Variants in ARL6IP6 observed in about 807,000 individuals in gnomAD.
ARL6IP6 encodes the protein ADP-ribosylation factor-like protein 6-interacting protein 6.
In ARL6IP6, 22 loss-of-function variants were observed where a neutral mutation model predicts 21.5. The ratio of observed to expected loss-of-function variants is 1.02; its 90% CI spans 0.73 to 1.46. The LOEUF (loss-of-function observed/expected upper bound fraction) is 1.46, where lower values mean the gene tolerates loss of function less well. Ranked by LOEUF, ARL6IP6 falls within the 40% of genes most tolerant of loss-of-function variation. ARL6IP6 has a pLI of 0.00. For synonymous variants in ARL6IP6, 164 were observed against 125.3 expected, an observed-to-expected ratio of 1.31 and a Z score of -2.06; for missense variants, 388 against 299.8, an observed-to-expected ratio of 1.29 and a Z score of -2.17.
chr2:152,742,179 T>C (rs1415477043), intron 3 of ARL6IP6, among the ~76,000 whole-genome samples: 2 of 152,210 alleles, frequency 1.3e-5, no homozygotes, highest in African/African-American at 4.8e-5. Flanking sequence ...ACATTTTGGT[T>C]ATCAGCTTTA....
intron 3 of ARL6IP6, among the ~76,000 whole-genome samples, chr2:152,758,219 G>A (rs1187844810): frequency 1.3e-5 from 2 of 151,882 alleles, no homozygotes; most frequent in Admixed American, 1.3e-4. Flanking sequence ...CTAATACAAT[G>A]TAAATGTTAT....
chr2:152,758,962 A>T (rs1701709441), intron 3 of ARL6IP6, among the ~76,000 whole-genome samples: 1 of 152,136 alleles, frequency 6.6e-6, no homozygotes, highest in African/African-American at 2.4e-5. Flanking sequence ...TCCAGAAAGG[A>T]GAGTATTCTG....
upstream of ARL6IP6, chr2:152,718,483 C>G (rs1699355847): frequency 1.6e-6 from 2 of 1,236,274 alleles, no homozygotes; most frequent in South Asian, 2.0e-5. Flanking sequence ...TGCAACCCGC[C>G]GCCCACCCTT....
intron 1 of ARL6IP6, chr2:152,719,850 A>G: frequency 2.2e-6 from 1 of 461,420 alleles, no homozygotes. Flanking sequence ...ATTAAATATA[A>G]TTAAATCTAT....
intron 3 of ARL6IP6, among the ~76,000 whole-genome samples, chr2:152,738,552 G>A (rs2105139829): frequency 6.6e-6 from 1 of 152,304 alleles, no homozygotes; most frequent in East Asian, 1.9e-4. Context: ...CTTGACTTCT[G>A]TGCACCTGCA....
chr2:152,751,836 T>C (rs1221683341), intron 3 of ARL6IP6, among the ~76,000 whole-genome samples: 1 of 152,186 alleles, frequency 6.6e-6, no homozygotes, highest in East Asian at 1.9e-4. Context: ...GCAGTAAACA[T>C]GGGGTACACA....
intron 3 of ARL6IP6, among the ~76,000 whole-genome samples, chr2:152,736,650 A>T (rs1700564805): frequency 1.3e-5 from 2 of 151,888 alleles, no homozygotes; most frequent in East Asian, 1.9e-4. Context: ...CTTCTAATTC[A>T]CTCTATATAC....
At chr2:152,728,850 A>G (rs988432952) in intron 2 of ARL6IP6, among the ~76,000 whole-genome samples, 1 of 152,050 alleles carries the variant, frequency 6.6e-6, no homozygotes, top group East Asian at 1.9e-4. Flanking sequence ...CATGAGGTCA[A>G]GAGATCAAGA....
At chr2:152,740,682 C>G (rs2105146127) in intron 3 of ARL6IP6, among the ~76,000 whole-genome samples, 1 of 149,130 alleles carries the variant, frequency 6.7e-6, no homozygotes, top group South Asian at 2.1e-4. Context: ...TTATGTAGTC[C>G]TAGCTACTGG....
chr2:152,755,877 C>T (rs1701570891), intron 3 of ARL6IP6, among the ~76,000 whole-genome samples: 3 of 152,198 alleles, frequency 2.0e-5, no homozygotes, highest in African/African-American at 7.2e-5. Context: ...TGGGGCTGGA[C>T]CCTACATGTG....
At chr2:152,727,594 G>A (rs1016140261) in intron 2 of ARL6IP6, among the ~76,000 whole-genome samples, 10 of 152,084 alleles carry the variant, frequency 6.6e-5, no homozygotes, top group Non-Finnish European at 1.2e-4. Context: ...ACCCTATACA[G>A]GTGTACCATA....
chr2:152,748,420 A>C (rs568567294), intron 3 of ARL6IP6, among the ~76,000 whole-genome samples: 3 of 152,224 alleles, frequency 2.0e-5, no homozygotes, highest in Admixed American at 6.5e-5. Context: ...TAGTGTTAAG[A>C]TCTTTTGATT....
chr2:152,742,781 G>C (rs973380076), intron 3 of ARL6IP6, among the ~76,000 whole-genome samples: 2 of 151,938 alleles, frequency 1.3e-5, no homozygotes, highest in Non-Finnish European at 2.9e-5. Flanking sequence ...ACATTATGGG[G>C]GAACTAATGC....
intron 3 of ARL6IP6, among the ~76,000 whole-genome samples, chr2:152,755,965 AT>A (rs1388821345): frequency 6.6e-6 from 1 of 152,148 alleles, no homozygotes; most frequent in African/African-American, 2.4e-5. Context: ...TTTTTTACTT[AT>A]AAGAGTTATT....
intron 1 of ARL6IP6, among the ~76,000 whole-genome samples, chr2:152,719,390 C>T (rs994171322): frequency 6.6e-6 from 1 of 152,178 alleles, no homozygotes; most frequent in African/African-American, 2.4e-5. Context: ...AGGCCATGTT[C>T]AATGGCCTTC....
At chr2:152,738,277 G>A (rs1454770765) in intron 3 of ARL6IP6, among the ~76,000 whole-genome samples, 1 of 152,228 alleles carries the variant, frequency 6.6e-6, no homozygotes, top group East Asian at 1.9e-4. Flanking sequence ...TCACAGGCTG[G>A]CATTGAGAGT....
upstream of ARL6IP6, chr2:152,717,864 G>A: frequency 9.2e-7 from 1 of 1,084,062 alleles, no homozygotes; most frequent in Non-Finnish European, 1.1e-6. Flanking sequence ...GAGGGGGCGG[G>A]GGTAAGCAGC....
In ARL6IP6 at chr2:152,759,820, G is replaced by A. The variant is rs1701751252; in HGVS notation, c.661G>A (p.Val221Ile). Residue 221 changes from valine (V) to isoleucine (I), a missense_variant, in exon 4 of 4, where the codon GTA becomes ATA. By Grantham distance (29) the Val-to-Ile change is conservative. Transcript: ENST00000326446. ...GAATGGCATCGTAGCTGCTCTTACTGTAGCATGGTGCCTCATGTAAACCCA... is the reference window on the plus strand; with the variant it reads ...GAATGGCATCGTAGCTGCTCTTACTATAGCATGGTGCCTCATGTAAACCCA... ...ILNGIVAALT[V>I]AWCLM is the part of the protein sequence containing the mutation. 6.2e-7 allele frequency: 1 copy of A among 1,613,160 alleles called. No individual in the cohort carries two copies. The highest frequency in any genetic ancestry group is 1.1e-5 in the South Asian group (1 of 91,054).
intron 3 of ARL6IP6, among the ~76,000 whole-genome samples, chr2:152,741,085 A>G (rs929486111): frequency 6.6e-6 from 1 of 152,144 alleles, no homozygotes; most frequent in African/African-American, 2.4e-5. Context: ...TTATAAAAAT[A>G]TCTTTGTGAC....
Sources: gnomAD v4.1 joint callset for allele counts (sites outside exome capture counted in the v4.1 genomes callset) on GRCh38, gnomAD v4.1.1 for gene constraint, MANE v1.5 for transcripts, NCBI Gene and HGNC (gene_info 2026-07-23, HGNC 2026-07-21) for gene names.